The following CASP2 variants were observed in gnomAD, a reference collection of about 807,000 sequenced individuals.
CASP2 encodes caspase-2.
In CASP2, 38 loss-of-function variants were observed where a neutral mutation model predicts 54.4. That is an observed-to-expected ratio of 0.70 (90% CI 0.54 to 0.92). The LOEUF (loss-of-function observed/expected upper bound fraction) is 0.92, where lower values mean the gene tolerates loss of function less well. Ranked by LOEUF, CASP2 falls within the 40% of genes least tolerant of loss-of-function variation. CASP2 has a pLI of 0.00. For synonymous variants in CASP2, 215 were observed against 216.3 expected (o/e 0.99, Z 0.05); for missense variants, 512 against 579.6 (o/e 0.88, Z 1.20).
At chr7:143,300,079 G>A in intron 7 of CASP2, 28 bp downstream of exon 7, 20 of 1,614,122 alleles carry the variant, frequency 1.2e-5, no homozygotes, top group Non-Finnish European at 1.7e-5. Context: ...GAAGCCAACT[G>A]TTGAAACCAG....
intron 8 of CASP2, 52 bp downstream of exon 8, chr7:143,300,346 C>A: frequency 6.2e-7 from 1 of 1,607,298 alleles, no homozygotes; most frequent in South Asian, 1.1e-5. Context: ...GGCAGCCTCC[C>A]ACCAGCTCTC....
intron 8 of CASP2, 58 bp from the exon 9 acceptor site, chr7:143,303,726 G>A (rs1801987903): frequency 1.3e-6 from 2 of 1,556,040 alleles, no homozygotes; most frequent in Admixed American, 3.4e-5. Context: ...CCTGTGACAG[G>A]CCCAAGAGAG....
Position 143,291,569 on chromosome 7 carries a change from A to C in CASP2, c.104A>C (p.His35Pro), listed in dbSNP as rs765874681. 1 of 1,613,854 alleles carries C rather than the reference A, an allele frequency of 6.2e-7. No individual in the cohort carries two copies. The highest frequency in any genetic ancestry group is 1.3e-5 in the African/African-American group (1 of 74,840). ...RILGVCGMHP[H>P]HQETLKKNRV... is the part of the protein sequence containing the mutation. ...TTGGGAGTGTGTGGCATGCATCCTC[A>C]TCATCAGGAAACTCTAAAAAAGAAC... is the stretch of plus-strand genomic sequence containing the variant. The change falls in exon 2 of 11, where the codon CAT (histidine) becomes CCT (proline). Residue 35 changes from histidine (H) to proline (P), a missense_variant. Around this residue, in one of 3 missense-constraint regions of CASP2, gnomAD observed 89 missense variants for 67.1 expected, o/e 1.33. Coordinates refer to ENST00000310447, the MANE Select transcript of CASP2 (RefSeq NM_032982.4).
chr7:143,292,152 A>G (rs1289470936), intron 2 of CASP2, 148 bp from the exon 3 acceptor site: 1 of 757,062 alleles, frequency 1.3e-6, no homozygotes, highest in Admixed American at 2.1e-5. Context: ...TATATAACTC[A>G]AGAATAACAG....
intron 6 of CASP2, among the ~76,000 whole-genome samples, chr7:143,297,384 C>T (rs1226168775): frequency 1.3e-5 from 2 of 152,190 alleles, no homozygotes; most frequent in Non-Finnish European, 2.9e-5. Flanking sequence ...TTTCTATTTA[C>T]TGACCTAATC....
chr7:143,291,750 A>G (rs1449908523), intron 2 of CASP2, 60 bp downstream of exon 2: 4 of 1,329,904 alleles, frequency 3.0e-6, no homozygotes, highest in Non-Finnish European at 4.3e-6. Flanking sequence ...GAGCATGACA[A>G]AATATGGAAA....
At chr7:143,292,029 C>T (rs4647289) in intron 2 of CASP2, among the ~76,000 whole-genome samples, 5,160 of 151,874 alleles carry the variant, frequency 0.034, 292 homozygotes, top group African/African-American at 0.12. Flanking sequence ...CCACCTGCCT[C>T]GGCCTCCCAA....
At chr7:143,299,451 T>C (rs1427439153) in intron 6 of CASP2, among the ~76,000 whole-genome samples, 1 of 152,204 alleles carries the variant, frequency 6.6e-6, no homozygotes, top group African/African-American at 2.4e-5. Context: ...GAAGACAACA[T>C]ACAAGTATTG....
intron 6 of CASP2, among the ~76,000 whole-genome samples, chr7:143,298,187 AACT>A (rs1487543346): frequency 2.0e-5 from 3 of 152,210 alleles, no homozygotes; most frequent in Non-Finnish European, 4.4e-5. Flanking sequence ...CCACTCTGAG[AACT>A]ACTGCAATAT....
chr7:143,297,832 G>GT (rs1801801849), intron 6 of CASP2, among the ~76,000 whole-genome samples: 1 of 152,212 alleles, frequency 6.6e-6, no homozygotes, highest in Non-Finnish European at 1.5e-5. Flanking sequence ...AACATTCACA[G>GT]TTATGTATTC....
chr7:143,292,632 G>T lies in CASP2; in HGVS notation c.409G>T (p.Asp137Tyr). Reference protein sequence around the residue: ...HVLPPLSCDYDLSLPFPVCES... With the variant: ...HVLPPLSCDYYLSLPFPVCES... ...TTTCTTACAGTTGAGCTGTGACTAC[G>T]ACTTGAGTCTCCCTTTTCCGGTGTG... The change falls in exon 4 of 11, where the codon GAC (aspartate) becomes TAC (tyrosine). Residue 137 changes from aspartate (D) to tyrosine (Y), a missense_variant. By Grantham distance (160) the Asp-to-Tyr change is radical. This residue lies in a region of CASP2 where 417 missense variants were observed against 495.4 expected (regional missense o/e 0.84). Transcript: ENST00000310447. 1 of 1,613,806 alleles carries T rather than the reference G, an allele frequency of 6.2e-7. No individual in the cohort carries two copies. Among genetic ancestry groups the T allele is most frequent in the Non-Finnish European group, 8.5e-7 (1 of 1,179,996 alleles).
In CASP2 at chr7:143,306,092, T is replaced by A. The variant is rs990626656; in HGVS notation, c.*1021T>A. 6.6e-6 allele frequency: 1 copy of A among 152,162 alleles called. No individual in the cohort carries two copies. Among genetic ancestry groups the A allele is most frequent in the Non-Finnish European group, 1.5e-5 (1 of 68,034 alleles). 9.4% of individuals were successfully genotyped at this position (152,162 alleles called of 1,614,324 possible). On this transcript the variant is annotated 3_prime_UTR_variant, in exon 11 of 11. Transcript: ENST00000310447. Reference sequence around the variant, plus strand: ...ACAGGATCATGTAAATGCTCAAAGATGTAATGTAGTTCTTTGTTCCTGCTT... The same window carrying A: ...ACAGGATCATGTAAATGCTCAAAGAAGTAATGTAGTTCTTTGTTCCTGCTT...
chr7:143,296,151 C>T (rs554934933), intron 6 of CASP2, among the ~76,000 whole-genome samples: 1 of 152,294 alleles, frequency 6.6e-6, no homozygotes, highest in South Asian at 2.1e-4. Flanking sequence ...TTCTCAGAGA[C>T]TGTCAGATTT....
intron 6 of CASP2, among the ~76,000 whole-genome samples, chr7:143,295,602 A>G (rs1349375729): frequency 1.3e-5 from 2 of 152,228 alleles, no homozygotes; most frequent in African/African-American, 4.8e-5. Flanking sequence ...TAAAATTGCT[A>G]GGAGATTCAC....
In CASP2 at chr7:143,305,161, G is replaced by C; in HGVS notation, c.*90G>C. The C allele has an allele frequency of 6.6e-7, 1 of 1,522,874 alleles. No homozygotes were observed. Among genetic ancestry groups the C allele is most frequent in the Non-Finnish European group, 9.1e-7 (1 of 1,101,960 alleles). The allele number at this position is 1,522,874 out of a possible 1,614,324, so 94.3% of individuals were successfully genotyped here. On this transcript the variant is annotated 3_prime_UTR_variant, in exon 11 of 11. Transcript: ENST00000310447. ...TTGATCTTCAGGATGCACGGTTTCT[G>C]TTCTGCCCCCTCAGGGATGTGGGAA...
rs369524386 is a variant in CASP2 at position 143,304,746 on chromosome 7, G to C, written c.1190G>C (p.Arg397Pro). The C allele has an allele frequency of 6.2e-7, 1 of 1,614,172 alleles. No individual in the cohort carries two copies. The highest frequency in any genetic ancestry group is 8.5e-7 in the Non-Finnish European group (1 of 1,180,004). The change falls in exon 10 of 11, where the codon CGG becomes CCG. Residue 397 changes from arginine to proline, a missense_variant. This residue lies in a region of CASP2 where 417 missense variants were observed against 495.4 expected (regional missense o/e 0.84). Coordinates refer to ENST00000310447, the MANE Select transcript of CASP2 (RefSeq NM_032982.4). ...GCTCTTGCTCAAGTGTTTTCTGAGC[G>C]GGCTTGTGATATGCACGTGGCCGAC... is the stretch of plus-strand genomic sequence containing the variant. The part of the protein sequence containing the change: ...IEALAQVFSE[R>P]ACDMHVADML...
intron 4 of CASP2, among the ~76,000 whole-genome samples, chr7:143,293,543 T>A (rs1344809298): frequency 6.6e-6 from 1 of 151,654 alleles, no homozygotes; most frequent in Non-Finnish European, 1.5e-5. Context: ...GGAGTCTTGC[T>A]CTGTCGTCCA....
At position 143,288,361 on chromosome 7, in the gene CASP2, T is replaced by C; in HGVS notation, c.-95T>C. 4 of 1,261,768 alleles carry C rather than the reference T, an allele frequency of 3.2e-6. No homozygotes were observed. The highest frequency in any genetic ancestry group is 1.3e-5 in the South Asian group (1 of 78,320). 78.2% of individuals were successfully genotyped at this position (1,261,768 alleles called of 1,614,324 possible). On this transcript the variant is annotated 5_prime_UTR_variant, in exon 1 of 11. Coordinates refer to ENST00000310447, the MANE Select transcript of CASP2 (RefSeq NM_032982.4). ...GGCGCAGGCGCAGGCGCAGTGTGCG[T>C]CCGCGTCTGAGGGGAGGGATGTGGG... is the stretch of plus-strand genomic sequence containing the variant.
chr7:143,291,851 T>C (rs1801580601), intron 2 of CASP2, among the ~76,000 whole-genome samples, 161 bp downstream of exon 2: 1 of 141,932 alleles, frequency 7.0e-6, no homozygotes, highest in East Asian at 2.1e-4. Context: ...CGATCTTGGC[T>C]CACTGCAGCC....
Sources: gnomAD v4.1 joint callset for allele counts (sites outside exome capture counted in the v4.1 genomes callset) on GRCh38, gnomAD v4.1.1 for gene constraint, gnomAD v4.1.1 regional missense constraint, MANE v1.5 for transcripts, NCBI Gene and HGNC (gene_info 2026-07-23, HGNC 2026-07-21) for gene names.